SLC24A2: variants seen among roughly 807,000 people sequenced by gnomAD.
SLC24A2 encodes solute carrier family 24 member 2, also known as sodium/potassium/calcium exchanger 2.
Under a neutral mutation model 62.0 loss-of-function variants are expected in SLC24A2, and 36 were observed. The observed-to-expected ratio is 0.58, with a 90% CI of 0.44 to 0.77. The LOEUF (loss-of-function observed/expected upper bound fraction) is 0.77, where lower values mean the gene tolerates loss of function less well. SLC24A2 is among the 30% of genes least tolerant of loss of function. SLC24A2 has a pLI of 0.00. For missense variants in SLC24A2, 846 were observed against 817.9 expected (o/e 1.03, Z -0.42); for synonymous variants, 358 against 294.0 (o/e 1.22, Z -2.23).
chr9:19,651,143 T>A (rs959683721), intron 2 of SLC24A2, among the ~76,000 whole-genome samples: 5 of 152,166 alleles, frequency 3.3e-5, no homozygotes, highest in African/African-American at 1.2e-4. Context: ...TCTGCAGTTA[T>A]CCTATGGTAT....
At chr9:19,619,174 A>C (rs1230880506) in intron 4 of SLC24A2, among the ~76,000 whole-genome samples, 2 of 152,190 alleles carry the variant, frequency 1.3e-5, no homozygotes, top group Admixed American at 6.5e-5. Flanking sequence ...GGACCTCCTA[A>C]ATCATAGAGT....
In SLC24A2 at chr9:19,786,141, C is replaced by T. The variant is rs1428721750; in HGVS notation, c.726G>A (p.Val242=). The T allele has an allele frequency of 5.0e-6, 8 of 1,614,168 alleles. No homozygotes were observed. The highest frequency in any genetic ancestry group is 5.9e-6 in the Non-Finnish European group (7 of 1,180,014). The change falls in exon 2 of 11, where the codon GTG becomes GTA. Residue 242 remains valine (V), a synonymous_variant. Transcript: ENST00000341998. The surrounding 1 kb of genome is among the most constrained non-coding windows in gnomAD (Gnocchi z 5.0). ...NLTWWPLFRD[V]SFYIVDLIML... ...TGATCAAGTCAACAATGTAGAAAGA[C>T]ACATCTCGAAAGAGCGGCCACCATG... is the stretch of plus-strand genomic sequence containing the variant.
chr9:20,264,742 C>T, the SLC24A2 span, among the ~76,000 whole-genome samples: 1 of 152,152 alleles, frequency 6.6e-6, no homozygotes, highest in African/African-American at 2.4e-5. Flanking sequence ...TTCTCTTTTT[C>T]CTGACGCTAA....
At chr9:19,976,673 ATATATG>A in the SLC24A2 span, among the ~76,000 whole-genome samples, 2 of 152,232 alleles carry the variant, frequency 1.3e-5, no homozygotes, top group Non-Finnish European at 2.9e-5. Flanking sequence ...ATAGAGAAGG[ATATATG>A]TACATTATAT....
the SLC24A2 span, among the ~76,000 whole-genome samples, chr9:20,069,076 G>T: frequency 1.3e-5 from 2 of 152,052 alleles, no homozygotes; most frequent in South Asian, 2.1e-4. Context: ...CTCCAGCAAT[G>T]ATCCCAACAT....
chr9:20,207,330 G>C, the SLC24A2 span, among the ~76,000 whole-genome samples: 3 of 152,028 alleles, frequency 2.0e-5, no homozygotes. Context: ...GTAGCCTCAC[G>C]ACCACTACTC....
At chr9:19,637,254 A>G (rs2118047797) in intron 2 of SLC24A2, among the ~76,000 whole-genome samples, 1 of 152,342 alleles carries the variant, frequency 6.6e-6, no homozygotes, top group East Asian at 1.9e-4. Flanking sequence ...TTCAGGAAAA[A>G]GATCTGAATG....
the SLC24A2 span, among the ~76,000 whole-genome samples, chr9:20,002,365 C>CT: frequency 0.017 from 2,185 of 130,190 alleles, 22 homozygotes; most frequent in East Asian, 0.045. Context: ...AGCTACAAAC[C>CT]TTTTTTTTTT....
At chr9:20,219,572 T>G in the SLC24A2 span, among the ~76,000 whole-genome samples, 1 of 152,208 alleles carries the variant, frequency 6.6e-6, no homozygotes, top group Non-Finnish European at 1.5e-5. Flanking sequence ...CTATTCTTAA[T>G]AGTGCCTTCG....
intron 2 of SLC24A2, among the ~76,000 whole-genome samples, chr9:19,697,201 A>C (rs1192330684): frequency 6.6e-6 from 1 of 152,216 alleles, no homozygotes; most frequent in Non-Finnish European, 1.5e-5. Context: ...TGAAATAATG[A>C]CTTCTGAAAT....
the SLC24A2 span, among the ~76,000 whole-genome samples, chr9:19,901,776 C>G: frequency 2.0e-5 from 3 of 152,032 alleles, no homozygotes; most frequent in East Asian, 5.8e-4. Context: ...GGTTGGTGTT[C>G]TTCTTAACAG....
At chr9:20,097,811 C>T in the SLC24A2 span, among the ~76,000 whole-genome samples, 4 of 132,098 alleles carry the variant, frequency 3.0e-5, no homozygotes, top group East Asian at 2.5e-4. Context: ...GGCGCGATCT[C>T]GACTCACTGC....
chr9:19,838,835 G>T, the SLC24A2 span, among the ~76,000 whole-genome samples: 1 of 149,680 alleles, frequency 6.7e-6, no homozygotes, highest in Non-Finnish European at 1.5e-5. Context: ...CATGGGCAAG[G>T]ACTTCATGTC....
At chr9:20,228,018 C>T in the SLC24A2 span, among the ~76,000 whole-genome samples, 2 of 152,118 alleles carry the variant, frequency 1.3e-5, no homozygotes, top group Admixed American at 1.3e-4. Context: ...AATCAAAGGC[C>T]CATTGAGGTC....
the SLC24A2 span, among the ~76,000 whole-genome samples, chr9:20,042,149 C>T: frequency 2.0e-5 from 3 of 152,216 alleles, no homozygotes; most frequent in African/African-American, 7.2e-5. Flanking sequence ...GTCAAGAGGG[C>T]ACAGCTCTGG....
At chr9:19,835,747 C>G in the SLC24A2 span, among the ~76,000 whole-genome samples, 2 of 152,196 alleles carry the variant, frequency 1.3e-5, no homozygotes, top group Admixed American at 1.3e-4. Context: ...CTACAGAACT[C>G]TCTACCCCAA....
the SLC24A2 span, among the ~76,000 whole-genome samples, chr9:20,306,946 C>T: frequency 6.6e-6 from 1 of 152,150 alleles, no homozygotes; most frequent in Non-Finnish European, 1.5e-5. Context: ...GATCCTCCCA[C>T]CTCAGCCTCC....
At chr9:19,671,907 A>G (rs983582607) in intron 2 of SLC24A2, among the ~76,000 whole-genome samples, 1 of 146,014 alleles carries the variant, frequency 6.8e-6, no homozygotes, top group Non-Finnish European at 1.5e-5. Context: ...ATGAAACCCA[A>G]TTGATTATGG....
chr9:20,007,431 G>T, the SLC24A2 span, among the ~76,000 whole-genome samples: 1 of 152,038 alleles, frequency 6.6e-6, no homozygotes, highest in Non-Finnish European at 1.5e-5. Flanking sequence ...TGACATATGC[G>T]CCCCATGTTT....
Sources: gnomAD v4.1 joint callset for allele counts (sites outside exome capture counted in the v4.1 genomes callset) on GRCh38, gnomAD v4.1.1 for gene constraint, Gnocchi (gnomAD v3.1) non-coding constraint, MANE v1.5 for transcripts, NCBI Gene and HGNC (gene_info 2026-07-23, HGNC 2026-07-21) for gene names.